ADAMTSL3: variants seen among roughly 807,000 people sequenced by gnomAD.
The protein encoded by ADAMTSL3 is ADAMTS like 3, also known as ADAMTS-like protein 3.
In ADAMTSL3, 128 loss-of-function variants were observed where a neutral mutation model predicts 201.7. That is an observed-to-expected ratio of 0.63 (90% CI 0.55 to 0.73). The LOEUF (loss-of-function observed/expected upper bound fraction) is 0.73, where lower values mean the gene tolerates loss of function less well. ADAMTSL3 is among the 30% of genes least tolerant of loss of function. The pLI, the probability that ADAMTSL3 is intolerant of heterozygous loss-of-function variation, is 0.00. For missense variants in ADAMTSL3, 1,990 were observed against 2,119.6 expected (o/e 0.94, Z 1.20); for synonymous variants, 738 against 748.4 (o/e 0.99, Z 0.23).
At chr15:83,887,955 TCACA>T (rs1306244459) in intron 10 of ADAMTSL3, among the ~76,000 whole-genome samples, 3 of 152,204 alleles carry the variant, frequency 2.0e-5, no homozygotes, top group African/African-American at 7.2e-5. Context: ...AGAGAGACGT[TCACA>T]TTTGGATCCA....
rs747769897 is a variant in ADAMTSL3 at position 83,913,143 on chromosome 15, G to T, written c.1752G>T (p.Val584=). The T allele has an allele frequency of 5.6e-6, 9 of 1,614,046 alleles. No individual in the cohort carries two copies. Among genetic ancestry groups the T allele is most frequent in the Non-Finnish European group, 7.6e-6 (9 of 1,180,042 alleles). ...SACSTTCGPG[V]QVREVKCRVL... Reference sequence around the variant, plus strand: ...GCAGTACCACGTGTGGGCCGGGTGTGCAGGTCCGTGAGGTGAAGTGCCGTG... The same window carrying T: ...GCAGTACCACGTGTGGGCCGGGTGTTCAGGTCCGTGAGGTGAAGTGCCGTG... The change falls in exon 16 of 30, where the codon GTG becomes GTT. Residue 584 remains valine, a synonymous_variant. Transcript: ENST00000286744.
At chr15:83,874,399 C>T (rs533499519) in intron 9 of ADAMTSL3, among the ~76,000 whole-genome samples, 1 of 144,686 alleles carries the variant, frequency 6.9e-6, no homozygotes, top group Non-Finnish European at 1.5e-5. Flanking sequence ...GGTTGAGTCT[C>T]CCCGGAGTCT....
chr15:83,675,189 C>T (rs1011726662), intron 2 of ADAMTSL3, among the ~76,000 whole-genome samples: 1 of 151,944 alleles, frequency 6.6e-6, no homozygotes, highest in African/African-American at 2.4e-5. Context: ...GATATAAGAC[C>T]TAAAATTAAC....
At chr15:83,916,455 A>G (rs2066034541) in intron 16 of ADAMTSL3, among the ~76,000 whole-genome samples, 1 of 152,232 alleles carries the variant, frequency 6.6e-6, no homozygotes, top group Non-Finnish European at 1.5e-5. Flanking sequence ...ACTTAGCTGA[A>G]CTATAAGTAC....
Position 83,838,182 on chromosome 15 carries a change from G to A in ADAMTSL3, c.694G>A (p.Gly232Arg). The A allele has an allele frequency of 1.9e-6, 3 of 1,612,794 alleles. No homozygotes were observed. Among genetic ancestry groups the A allele is most frequent in the Non-Finnish European group, 2.5e-6 (3 of 1,179,482 alleles). ...GDGSTCRLVR[G>R]QSKSHVSPEK... is the part of the protein sequence containing the mutation. ...TGGCTCCACCTGCAGGCTTGTACGG[G>A]GACAATCAAAGTCACACGTTTCTCC... is the stretch of plus-strand genomic sequence containing the variant. The change falls in exon 7 of 30, where the codon GGA becomes AGA. Residue 232 changes from glycine (G) to arginine (R), a missense_variant. Gly to Arg is a moderately radical substitution (Grantham distance 125, BLOSUM62 -2). Transcript: ENST00000286744.
chr15:83,954,309 G>T (rs540801555), intron 19 of ADAMTSL3, among the ~76,000 whole-genome samples: 1 of 152,006 alleles, frequency 6.6e-6, no homozygotes, highest in African/African-American at 2.4e-5. Flanking sequence ...GATCAGTTCT[G>T]CTGCCAAGAG....
intron 10 of ADAMTSL3, among the ~76,000 whole-genome samples, chr15:83,887,493 C>T (rs1474444273): frequency 6.6e-6 from 1 of 152,170 alleles, no homozygotes; most frequent in Non-Finnish European, 1.5e-5. Context: ...ATTTTCAATT[C>T]CTCCAGAATT....
At position 83,892,907 on chromosome 15, in the gene ADAMTSL3, C is replaced by T. The variant is rs1254861541; in HGVS notation, c.1467+19C>T. The T allele has an allele frequency of 6.3e-7, 1 of 1,598,094 alleles. No individual in the cohort carries two copies. The highest frequency in any genetic ancestry group is 8.6e-7 in the Non-Finnish European group (1 of 1,166,392). On this transcript the variant is annotated intron_variant, in intron 13 of 29. Coordinates refer to ENST00000286744, the MANE Select transcript of ADAMTSL3 (RefSeq NM_207517.3). ...GTCTCAGGTAAGATTTGAGAATATG[C>T]CACTTTTAATTAATTCTCATATTTT...
At chr15:83,655,854 G>C (rs1414615300) in intron 2 of ADAMTSL3, 24 bp downstream of exon 2, 2 of 1,605,086 alleles carry the variant, frequency 1.2e-6, no homozygotes, top group Non-Finnish European at 1.7e-6. Context: ...GGGAGGGGAA[G>C]GGAAATGGTG....
At chr15:84,033,045 A>G (rs758451379) in intron 28 of ADAMTSL3, among the ~76,000 whole-genome samples, 3 of 151,956 alleles carry the variant, frequency 2.0e-5, no homozygotes, top group Non-Finnish European at 2.9e-5. Flanking sequence ...TACTTTCCTG[A>G]TTACTTTTTT....
At chr15:83,851,167 T>G (rs533438555) in intron 7 of ADAMTSL3, among the ~76,000 whole-genome samples, 12 of 152,218 alleles carry the variant, frequency 7.9e-5, no homozygotes, top group Admixed American at 2.6e-4. Context: ...TCACAGAGAC[T>G]TCTACAAATG....
At chr15:83,956,665 C>T (rs2066867897) in intron 19 of ADAMTSL3, among the ~76,000 whole-genome samples, 1 of 148,760 alleles carries the variant, frequency 6.7e-6, no homozygotes. Context: ...AAGTTACACA[C>T]ACACACCGCA....
chr15:83,895,383 G>C (rs8035919), intron 13 of ADAMTSL3, among the ~76,000 whole-genome samples: 5,584 of 152,202 alleles, frequency 0.037, 324 homozygotes, highest in African/African-American at 0.13. Context: ...TATGTTTTAT[G>C]TTGGCTTTAG....
chr15:83,675,508 A>G (rs778610256), intron 2 of ADAMTSL3, among the ~76,000 whole-genome samples: 2 of 151,058 alleles, frequency 1.3e-5, no homozygotes, highest in Admixed American at 6.6e-5. Flanking sequence ...TTTTATATAT[A>G]TTGCTGAATT....
intron 23 of ADAMTSL3, among the ~76,000 whole-genome samples, chr15:83,992,425 T>C (rs960146933): frequency 6.6e-6 from 1 of 152,164 alleles, no homozygotes; most frequent in Non-Finnish European, 1.5e-5. Flanking sequence ...CCCACAAATA[T>C]GTGAGTTTTC....
intron 6 of ADAMTSL3, among the ~76,000 whole-genome samples, chr15:83,831,523 G>A (rs1356815300): frequency 6.6e-6 from 1 of 152,172 alleles, no homozygotes; most frequent in Admixed American, 6.6e-5. Context: ...TATGTAATTA[G>A]AAGTGCCCTC....
chr15:83,720,038 G>T (rs2062076382), intron 3 of ADAMTSL3, among the ~76,000 whole-genome samples: 1 of 152,072 alleles, frequency 6.6e-6, no homozygotes, highest in South Asian at 2.1e-4. Flanking sequence ...TGACCAACAT[G>T]GCAAAACCCC....
chr15:83,657,628 G>A (rs1469686227), intron 2 of ADAMTSL3, among the ~76,000 whole-genome samples: 1 of 152,230 alleles, frequency 6.6e-6, no homozygotes, highest in Non-Finnish European at 1.5e-5. Context: ...ACAATGTCTG[G>A]CACATAGTAA....
At chr15:83,704,769 T>G (rs563332944) in intron 3 of ADAMTSL3, among the ~76,000 whole-genome samples, 2 of 152,358 alleles carry the variant, frequency 1.3e-5, no homozygotes, top group South Asian at 4.1e-4. Context: ...GATGGATTTG[T>G]TCATCTCAGC....
Sources: allele counts gnomAD v4.1 joint callset (sites outside exome capture counted in the v4.1 genomes callset), GRCh38; gene constraint gnomAD v4.1.1; transcripts MANE v1.5; gene names NCBI Gene and HGNC (gene_info 2026-07-23, HGNC 2026-07-21).